The following SIK3 variants were observed in gnomAD, a reference collection of about 807,000 sequenced individuals.
SIK3 encodes serine/threonine-protein kinase SIK3.
A neutral mutation model predicts 144.2 loss-of-function variants in SIK3; 28 were observed. The ratio of observed to expected loss-of-function variants is 0.19; its 90% CI spans 0.14 to 0.27. SIK3 has a LOEUF of 0.27. Among genes scored for constraint, SIK3 ranks in the 10% least tolerant of loss-of-function variants. The pLI, the probability that SIK3 is intolerant of heterozygous loss-of-function variation, is 1.00. For missense variants in SIK3, 1,319 were observed against 1,776.0 expected (o/e 0.74, Z 4.62); for synonymous variants, 686 against 676.3 (o/e 1.01, Z -0.22).
In SIK3 at chr11:116,922,813, TGAGTTTTATTAGTTCC is replaced by T. The variant is rs1947060815; in HGVS notation, c.616+4390_616+4405del. Among the ~76,000 whole-genome samples, 4 of 152,168 alleles carry T rather than the reference TGAGTTTTATTAGTTCC, an allele frequency of 2.6e-5. No individual in the cohort carries two copies. In the South Asian group the frequency reaches 8.3e-4, roughly 32 times the overall value. ...CATGAATCTTTTATACTTCCTAATC[TGAGTTTTATTAGTTCC>T]AAGTTATTTTGGTACTATAACATAT... is the stretch of plus-strand genomic sequence containing the variant. On this transcript the variant is annotated intron_variant, in intron 4 of 24. Coordinates refer to ENST00000445177, the MANE Select transcript of SIK3 (RefSeq NM_001366686.3).
chr11:117,030,168 A>T (rs1320038099), intron 1 of SIK3, among the ~76,000 whole-genome samples: 9 of 152,262 alleles, frequency 5.9e-5, no homozygotes, highest in Non-Finnish European at 1.2e-4. Flanking sequence ...CATAAATCGA[A>T]ACTATATTTC....
chr11:116,989,373 T>C (rs1241338758), intron 1 of SIK3, among the ~76,000 whole-genome samples: 1 of 152,194 alleles, frequency 6.6e-6, no homozygotes, highest in Non-Finnish European at 1.5e-5. Context: ...ATACACTTAT[T>C]TAAGGTCTGC....
intron 1 of SIK3, among the ~76,000 whole-genome samples, chr11:117,059,744 T>C (rs1953711638): frequency 6.6e-6 from 1 of 152,154 alleles, no homozygotes; most frequent in East Asian, 1.9e-4. Context: ...GCAAATAGTG[T>C]ATGAAAAGAT....
rs562736957 is a variant in SIK3, at chr11:116,989,693, G to C, written c.274-32629C>G. Among the ~76,000 whole-genome samples, 124 of 152,156 alleles carry C rather than the reference G, an allele frequency of 8.1e-4. 1 individual carries two copies. The highest frequency in any genetic ancestry group is 2.9e-3 in the African/African-American group (122 of 41,514). Reference sequence around the variant, plus strand: ...GTTCCTATTACTGTGAGTAGTTACTGTGAATACCCTGACTGGGAGTTCCTA... The same window carrying C: ...GTTCCTATTACTGTGAGTAGTTACTCTGAATACCCTGACTGGGAGTTCCTA... On this transcript the variant is annotated intron_variant, in intron 1 of 24. Coordinates refer to ENST00000445177, the MANE Select transcript of SIK3 (RefSeq NM_001366686.3).
chr11:116,899,657 C>A (rs1159479423), intron 4 of SIK3, among the ~76,000 whole-genome samples: 3 of 152,184 alleles, frequency 2.0e-5, no homozygotes, highest in African/African-American at 7.2e-5. Flanking sequence ...CTACAAGACG[C>A]AGCAGATGGG....
At chr11:117,007,968 C>G (rs1472184148) in intron 1 of SIK3, among the ~76,000 whole-genome samples, 1 of 149,852 alleles carries the variant, frequency 6.7e-6, no homozygotes, top group Non-Finnish European at 1.5e-5. Flanking sequence ...CCCAGCTACT[C>G]AGGAGGCTGA....
chr11:116,975,053 A>G (rs1949897452), intron 1 of SIK3, among the ~76,000 whole-genome samples: 1 of 152,138 alleles, frequency 6.6e-6, no homozygotes, highest in African/African-American at 2.4e-5. Context: ...ACTCTTTCTG[A>G]AAGTAGATTT....
At chr11:117,028,371 T>A (rs575710482) in intron 1 of SIK3, among the ~76,000 whole-genome samples, 1 of 152,110 alleles carries the variant, frequency 6.6e-6, no homozygotes, top group African/African-American at 2.4e-5. Context: ...AGGAAACAAT[T>A]AAGAGTACAC....
intron 6 of SIK3, among the ~76,000 whole-genome samples, chr11:116,891,680 G>C (rs958959748): frequency 6.6e-6 from 1 of 152,120 alleles, no homozygotes; most frequent in African/African-American, 2.4e-5. Flanking sequence ...GAGAAAGAGA[G>C]AGAAAATGTA....
At chr11:117,088,995 T>G (rs12799452) in intron 1 of SIK3, among the ~76,000 whole-genome samples, 1 of 152,130 alleles carries the variant, frequency 6.6e-6, no homozygotes, top group Non-Finnish European at 1.5e-5. Context: ...TATTTTCTTT[T>G]TTTACTTTTA....
At chr11:116,884,037 A>T (rs57259536) in intron 6 of SIK3, among the ~76,000 whole-genome samples, 3,321 of 152,310 alleles carry the variant, frequency 0.022, 122 homozygotes, top group East Asian at 0.18. Context: ...ATAATACAAA[A>T]TACAGGGATT....
chr11:116,849,170 G>GC lies in SIK3; in HGVS notation c.3768dup (p.Pro1257AlafsTer22). ...GTGTGGTGTCTCTGGAGGGCCCGGG[G>GC]CCTGTGGTGCTCATGGACGGAGGGG... On this transcript the variant is annotated frameshift_variant, in exon 22 of 25. Coordinates refer to ENST00000445177, the MANE Select transcript of SIK3 (RefSeq NM_001366686.3). LOFTEE classifies it high-confidence loss of function. This position sits in a 1 kb window ranked among gnomAD's most constrained non-coding sequence, Gnocchi z 4.2. 6.2e-7 allele frequency: 1 copy of GC among 1,613,766 alleles called. No individual in the cohort carries two copies. Among genetic ancestry groups the GC allele is most frequent in the Non-Finnish European group, 8.5e-7 (1 of 1,179,740 alleles).
At chr11:117,081,914 C>T (rs1954807293) in intron 1 of SIK3, among the ~76,000 whole-genome samples, 1 of 152,082 alleles carries the variant, frequency 6.6e-6, no homozygotes, top group African/African-American at 2.4e-5. Context: ...GTATCCCAAA[C>T]ATAAAGAACT....
chr11:116,870,667 G>A (rs1280476434), intron 13 of SIK3, among the ~76,000 whole-genome samples: 3 of 152,090 alleles, frequency 2.0e-5, no homozygotes, highest in Non-Finnish European at 4.4e-5. Context: ...ACTGTTACAG[G>A]ATAAAATGTG....
chr11:117,071,901 G>A (rs1025061564), intron 1 of SIK3, among the ~76,000 whole-genome samples: 2 of 148,186 alleles, frequency 1.3e-5, no homozygotes, highest in African/African-American at 4.9e-5. Context: ...TTACAGGTGT[G>A]AGCCACCACA....
intron 1 of SIK3, among the ~76,000 whole-genome samples, chr11:116,995,544 A>G (rs1003988312): frequency 5.3e-5 from 8 of 152,122 alleles, no homozygotes; most frequent in Non-Finnish European, 8.8e-5. Flanking sequence ...GATTACAGGT[A>G]TGAGCCGCCA....
intron 6 of SIK3, among the ~76,000 whole-genome samples, 194 bp from the exon 7 acceptor site, chr11:116,877,236 A>C (rs1591445082): frequency 6.6e-6 from 1 of 152,200 alleles, no homozygotes; most frequent in African/African-American, 2.4e-5. Context: ...AGAGAGGTGG[A>C]GAAAAAGAAA....
At chr11:116,999,525 T>C (rs1413280170) in intron 1 of SIK3, among the ~76,000 whole-genome samples, 2 of 152,228 alleles carry the variant, frequency 1.3e-5, no homozygotes, top group Admixed American at 6.5e-5. Flanking sequence ...AACATATTCA[T>C]ATGTCTTGTG....
chr11:117,012,234 A>G (rs1245384482), intron 1 of SIK3, among the ~76,000 whole-genome samples: 1 of 152,134 alleles, frequency 6.6e-6, no homozygotes, highest in Non-Finnish European at 1.5e-5. Context: ...TCAGCCTTCC[A>G]AAGTGTTGGG....
Sources: allele counts gnomAD v4.1 joint callset (sites outside exome capture counted in the v4.1 genomes callset), GRCh38; gene constraint gnomAD v4.1.1; non-coding constraint Gnocchi (gnomAD v3.1); transcripts MANE v1.5; gene names NCBI Gene and HGNC (gene_info 2026-07-23, HGNC 2026-07-21).